SIPA1L1: variants seen among roughly 807,000 people sequenced by gnomAD.
SIPA1L1 encodes the protein signal-induced proliferation-associated 1-like protein 1.
SIPA1L1 carries 26 observed loss-of-function variants against 162.7 expected under a neutral mutation model. That is an observed-to-expected ratio of 0.16 (90% CI 0.12 to 0.22). SIPA1L1 has a LOEUF of 0.22. SIPA1L1 is among the 10% of genes least tolerant of loss of function. The probability of loss-of-function intolerance (pLI) is 1.00; values close to 1 mark genes in which losing one functional copy is unlikely to be tolerated. For synonymous variants in SIPA1L1, 829 were observed against 837.4 expected, an observed-to-expected ratio of 0.99 and a Z score of 0.17; for missense variants, 1,874 against 2,241.0, an observed-to-expected ratio of 0.84 and a Z score of 3.31.
intron 2 of SIPA1L1, among the ~76,000 whole-genome samples, chr14:71,491,544 A>G (rs948354897): frequency 7.5e-5 from 10 of 134,226 alleles, no homozygotes; most frequent in Non-Finnish European, 1.5e-4. Flanking sequence ...TGTTGTTGTT[A>G]TTGTTGTTTT....
intron 22 of SIPA1L1, among the ~76,000 whole-genome samples, chr14:71,737,563 C>T (rs1005209305): frequency 3.9e-5 from 6 of 151,970 alleles, no homozygotes; most frequent in Admixed American, 1.3e-4. Flanking sequence ...GCTGGCCTGC[C>T]GTACCCCAGC....
chr14:71,714,296 C>T (rs553379066), intron 17 of SIPA1L1, among the ~76,000 whole-genome samples: 28 of 152,250 alleles, frequency 1.8e-4, no homozygotes, highest in African/African-American at 5.8e-4. Flanking sequence ...TCAAGTGAAC[C>T]TTGAGAAAAT....
chr14:71,538,721 G>A (rs1488203960), intron 4 of SIPA1L1, among the ~76,000 whole-genome samples: 1 of 149,804 alleles, frequency 6.7e-6, no homozygotes, highest in East Asian at 1.9e-4. Context: ...TAAATGCAGG[G>A]TCATGGTGCT....
chr14:71,498,717 T>C (rs2049977340), intron 2 of SIPA1L1, among the ~76,000 whole-genome samples: 1 of 152,206 alleles, frequency 6.6e-6, no homozygotes, highest in Non-Finnish European at 1.5e-5. Context: ...TTGTTTTTTC[T>C]TTATGTAATT....
At position 71,589,180 on chromosome 14, in the gene SIPA1L1, T is replaced by C. The variant is rs747669722; in HGVS notation, c.1308T>C (p.Ser436=). The C allele has an allele frequency of 3.7e-6, 6 of 1,614,122 alleles. No individual in the cohort carries two copies. The highest frequency in any genetic ancestry group is 2.2e-5 in the East Asian group (1 of 44,864). The change falls in exon 5 of 24, where the codon TCT becomes TCC. Residue 436 remains serine (S), a synonymous_variant. Coordinates refer to ENST00000381232, the MANE Select transcript of SIPA1L1 (RefSeq NM_001386936.1). ...ERKISLSKSN[S]GSFSGCESAS... ...AAATCAGCCTTTCAAAATCAAATTC[T>C]GGCTCCTTTAGTGGATGTGAAAGTG...
At chr14:71,639,054 A>G (rs1008763594) in intron 7 of SIPA1L1, among the ~76,000 whole-genome samples, 6 of 152,220 alleles carry the variant, frequency 3.9e-5, no homozygotes, top group Non-Finnish European at 7.3e-5. Context: ...TTGGGCATGC[A>G]TCTAACAAAA....
chr14:71,544,443 G>A (rs911233834), intron 4 of SIPA1L1, among the ~76,000 whole-genome samples: 1 of 151,656 alleles, frequency 6.6e-6, no homozygotes, highest in East Asian at 1.9e-4. Flanking sequence ...TTTTCTTAAC[G>A]ATGTCTCTTG....
intron 5 of SIPA1L1, among the ~76,000 whole-genome samples, chr14:71,617,964 A>G (rs1308232800): frequency 6.6e-6 from 1 of 152,238 alleles, no homozygotes; most frequent in African/African-American, 2.4e-5. Context: ...CACAGTAAAT[A>G]TCACTTTTCA....
At chr14:71,411,724 C>T (rs931031942) in intron 2 of SIPA1L1, among the ~76,000 whole-genome samples, 8 of 152,188 alleles carry the variant, frequency 5.3e-5, no homozygotes, top group African/African-American at 9.7e-5. Context: ...CTTTGGGGTA[C>T]GAGCACCGGT....
intron 2 of SIPA1L1, among the ~76,000 whole-genome samples, chr14:71,470,285 G>A (rs2047350648): frequency 6.6e-6 from 1 of 152,156 alleles, no homozygotes; most frequent in African/African-American, 2.4e-5. Flanking sequence ...GGACACGTTT[G>A]CAAAAGAAAG....
intron 2 of SIPA1L1, among the ~76,000 whole-genome samples, chr14:71,362,763 A>C (rs1566932743): frequency 6.6e-6 from 1 of 152,174 alleles, no homozygotes; most frequent in Admixed American, 6.5e-5. Flanking sequence ...AATTTCCAAG[A>C]TTTTTATGAA....
intron 2 of SIPA1L1, among the ~76,000 whole-genome samples, chr14:71,506,554 A>G (rs1402612181): frequency 6.6e-6 from 1 of 151,864 alleles, no homozygotes; most frequent in African/African-American, 2.4e-5. Context: ...TTGGCCAGAC[A>G]GGTCTCGAAC....
intron 13 of SIPA1L1, 90 bp from the exon 14 acceptor site, chr14:71,698,891 T>C: frequency 1.4e-6 from 2 of 1,386,828 alleles, no homozygotes; most frequent in Non-Finnish European, 2.0e-6. Flanking sequence ...TCACTGTTTT[T>C]GTCACATTTA....
chr14:71,448,524 T>G (rs2045580639), intron 2 of SIPA1L1, among the ~76,000 whole-genome samples: 1 of 152,162 alleles, frequency 6.6e-6, no homozygotes, highest in African/African-American at 2.4e-5. Flanking sequence ...TTATAACAAG[T>G]ATAACATGAA....
chr14:71,394,658 T>G (rs1411770339), intron 2 of SIPA1L1, among the ~76,000 whole-genome samples: 1 of 152,232 alleles, frequency 6.6e-6, no homozygotes. Flanking sequence ...GTATTTGAGT[T>G]TAGTGATCTG....
chr14:71,719,997 G>T (rs889133133), intron 17 of SIPA1L1, among the ~76,000 whole-genome samples: 2 of 152,160 alleles, frequency 1.3e-5, no homozygotes, highest in Admixed American at 6.5e-5. Flanking sequence ...GTTTCCACCA[G>T]GAAGTTTGCT....
At chr14:71,602,972 A>G (rs985102860) in intron 5 of SIPA1L1, among the ~76,000 whole-genome samples, 3 of 152,178 alleles carry the variant, frequency 2.0e-5, no homozygotes, top group Admixed American at 1.3e-4. Flanking sequence ...TGCTCTAACT[A>G]TAATAGTATT....
chr14:71,338,646 C>T (rs1376358783), intron 2 of SIPA1L1, among the ~76,000 whole-genome samples: 1 of 152,162 alleles, frequency 6.6e-6, no homozygotes, highest in Non-Finnish European at 1.5e-5. Flanking sequence ...TCTGTGAAGC[C>T]AGGCTTGGAA....
intron 2 of SIPA1L1, among the ~76,000 whole-genome samples, chr14:71,400,182 A>T (rs1297112796): frequency 6.6e-6 from 1 of 152,070 alleles, no homozygotes; most frequent in Non-Finnish European, 1.5e-5. Context: ...TCTTCTTGTC[A>T]TCTTAATACC....
Sources: gnomAD v4.1 joint callset for allele counts (sites outside exome capture counted in the v4.1 genomes callset) on GRCh38, gnomAD v4.1.1 for gene constraint, MANE v1.5 for transcripts, NCBI Gene and HGNC (gene_info 2026-07-23, HGNC 2026-07-21) for gene names.